LRBA: variants seen among roughly 807,000 people sequenced by gnomAD.
LRBA encodes the protein lipopolysaccharide-responsive and beige-like anchor protein.
In LRBA, 176 loss-of-function variants were observed where a neutral mutation model predicts 330.0. That is an observed-to-expected ratio of 0.53 (90% CI 0.47 to 0.60). LRBA has a LOEUF of 0.60. LRBA is among the 20% of genes least tolerant of loss of function. The pLI, the probability that LRBA is intolerant of heterozygous loss-of-function variation, is 0.00. For synonymous variants in LRBA, 1,230 were observed against 1,193.0 expected, an observed-to-expected ratio of 1.03 and a Z score of -0.64; for missense variants, 3,259 against 3,444.8, an observed-to-expected ratio of 0.95 and a Z score of 1.35.
intron 28 of LRBA, among the ~76,000 whole-genome samples, chr4:150,842,579 C>T (rs1749253402): frequency 6.6e-6 from 1 of 152,120 alleles, no homozygotes; most frequent in Non-Finnish European, 1.5e-5. Context: ...CTCAAACTGA[C>T]CACATTCAAA....
intron 36 of LRBA, among the ~76,000 whole-genome samples, chr4:150,694,462 C>CAGAAAAAAAAAAAAA (rs1784432437): frequency 1.4e-5 from 1 of 71,010 alleles, no homozygotes; most frequent in Non-Finnish European, 2.6e-5. Flanking sequence ...TGATCTTTAA[C>CAGAAAAAAAAAAAAA]AAAAAAAAAA....
intron 40 of LRBA, among the ~76,000 whole-genome samples, chr4:150,542,482 C>T (rs1430921527): frequency 1.3e-5 from 2 of 152,172 alleles, no homozygotes; most frequent in African/African-American, 4.8e-5. Flanking sequence ...ATATACCAGA[C>T]ATTGTGCTAA....
chr4:150,561,953 G>A (rs903339228), intron 40 of LRBA, among the ~76,000 whole-genome samples: 1 of 152,072 alleles, frequency 6.6e-6, no homozygotes, highest in African/African-American at 2.4e-5. Flanking sequence ...TAGTTTTCAT[G>A]TAATCTTTTG....
At chr4:150,421,579 G>C (rs992963639) in intron 46 of LRBA, among the ~76,000 whole-genome samples, 16 of 151,914 alleles carry the variant, frequency 1.1e-4, no homozygotes, top group African/African-American at 3.4e-4. Context: ...GTTTAACAGA[G>C]AGCTTCAGTT....
intron 55 of LRBA, among the ~76,000 whole-genome samples, chr4:150,279,798 C>T (rs994236875): frequency 2.0e-5 from 3 of 152,236 alleles, no homozygotes; most frequent in African/African-American, 7.2e-5. Context: ...TTTTCCCCCA[C>T]TCATTTCACA....
chr4:150,836,597 T>A (rs1748119823), intron 28 of LRBA, among the ~76,000 whole-genome samples: 1 of 152,218 alleles, frequency 6.6e-6, no homozygotes, highest in South Asian at 2.1e-4. Flanking sequence ...GTGTTTATAG[T>A]ATTCTCTGAT....
At chr4:150,787,298 G>A (rs1739225492) in intron 34 of LRBA, among the ~76,000 whole-genome samples, 1 of 151,778 alleles carries the variant, frequency 6.6e-6, no homozygotes, top group Admixed American at 6.6e-5. Context: ...GTACTGCATA[G>A]TTTTACATGC....
At chr4:150,521,161 A>T (rs182428936) in intron 40 of LRBA, among the ~76,000 whole-genome samples, 454 of 152,186 alleles carry the variant, frequency 3.0e-3, no homozygotes, top group Middle Eastern at 0.01. Flanking sequence ...CAAACTTTTT[A>T]AAAAACAGCT....
At chr4:150,435,363 A>G (rs1750977151) in intron 46 of LRBA, among the ~76,000 whole-genome samples, 1 of 152,008 alleles carries the variant, frequency 6.6e-6, no homozygotes, top group Non-Finnish European at 1.5e-5. Flanking sequence ...AAACAAAAAC[A>G]AAAACAAAAA....
intron 35 of LRBA, among the ~76,000 whole-genome samples, chr4:150,755,979 G>A (rs1465607227): frequency 6.6e-6 from 1 of 151,340 alleles, no homozygotes; most frequent in African/African-American, 2.4e-5. Flanking sequence ...CAGGGAGGTC[G>A]AGGCTGAAGT....
chr4:150,501,037 A>G (rs1247112365), intron 40 of LRBA, among the ~76,000 whole-genome samples: 1 of 152,232 alleles, frequency 6.6e-6, no homozygotes, highest in East Asian at 1.9e-4. Flanking sequence ...TGCTATGCTC[A>G]CATTTGCCTT....
At chr4:150,785,437 G>A (rs1738907931) in intron 34 of LRBA, among the ~76,000 whole-genome samples, 2 of 152,170 alleles carry the variant, frequency 1.3e-5, no homozygotes, top group Admixed American at 1.3e-4. Flanking sequence ...CTTGGTGGCT[G>A]GTGGCCTTTC....
chr4:150,422,866 G>C (rs898424730), intron 46 of LRBA: 1 of 1,194,960 alleles, frequency 8.4e-7, no homozygotes, highest in African/African-American at 1.5e-5. Context: ...TGATCCACCA[G>C]GGCCTCCTAA....
At position 150,959,124 on chromosome 4, in the gene LRBA, C is replaced by T. The variant is rs952797102; in HGVS notation, c.217-30059G>A. Among the ~76,000 whole-genome samples the T allele has an allele frequency of 1.1e-4, 17 of 149,376 alleles. 1 individual carries two copies. The highest frequency in any genetic ancestry group is 3.8e-4 in the East Asian group (2 of 5,204). On this transcript the variant is annotated intron_variant, in intron 2 of 56. Transcript: ENST00000651943. ...TAATTTACAAAGGCAAGAGGATTAA[C>T]GGACTCACAGTTCTACATGCCTGGA...
intron 36 of LRBA, among the ~76,000 whole-genome samples, chr4:150,706,085 G>C (rs1002120446): frequency 6.6e-6 from 1 of 151,822 alleles, no homozygotes; most frequent in South Asian, 2.1e-4. Flanking sequence ...TGAATCAGAC[G>C]AGCTGAATCT....
chr4:150,617,031 A>G (rs1775833373), intron 37 of LRBA, among the ~76,000 whole-genome samples: 1 of 152,228 alleles, frequency 6.6e-6, no homozygotes, highest in African/African-American at 2.4e-5. Flanking sequence ...TTTTGTCAGC[A>G]AGCTTGTCAA....
intron 36 of LRBA, among the ~76,000 whole-genome samples, chr4:150,686,506 C>T (rs1409813391): frequency 6.6e-6 from 1 of 152,166 alleles, no homozygotes; most frequent in Non-Finnish European, 1.5e-5. Context: ...AAAATGTCAA[C>T]TGATATGTCA....
chr4:150,348,154 A>C (rs13130871), intron 48 of LRBA, among the ~76,000 whole-genome samples: 1 of 151,994 alleles, frequency 6.6e-6, no homozygotes, highest in African/African-American at 2.4e-5. Context: ...TTCCTTAAAC[A>C]ATCATTGGTG....
chr4:150,451,988 T>C (rs1057343565), intron 44 of LRBA, among the ~76,000 whole-genome samples: 15 of 152,184 alleles, frequency 9.9e-5, no homozygotes, highest in African/African-American at 3.6e-4. Flanking sequence ...ACTCATGAGT[T>C]CCACCAAACA....
Sources: allele counts gnomAD v4.1 joint callset (sites outside exome capture counted in the v4.1 genomes callset), GRCh38; gene constraint gnomAD v4.1.1; transcripts MANE v1.5; gene names NCBI Gene and HGNC (gene_info 2026-07-23, HGNC 2026-07-21).